VPS37A: variants seen among roughly 807,000 people sequenced by gnomAD.
The protein encoded by VPS37A is vacuolar protein sorting-associated protein 37A.
Under a neutral mutation model 49.8 loss-of-function variants are expected in VPS37A, and 30 were observed. The ratio of observed to expected loss-of-function variants is 0.60; its 90% CI spans 0.45 to 0.82. The LOEUF is 0.82. Among genes scored for constraint, VPS37A ranks in the 40% least tolerant of loss-of-function variants. The probability of loss-of-function intolerance (pLI) is 0.00; values close to 1 mark genes in which losing one functional copy is unlikely to be tolerated. For synonymous variants in VPS37A, 195 were observed against 160.6 expected (o/e 1.21, Z -1.62); for missense variants, 593 against 464.4 (o/e 1.28, Z -2.55).
At chr8:17,317,562 G>A in the VPS37A span, among the ~76,000 whole-genome samples, 1 of 152,274 alleles carries the variant, frequency 6.6e-6, no homozygotes, top group South Asian at 2.1e-4. Context: ...TTTCCAGAAA[G>A]GTTGACTTTC....
At chr8:17,323,016 C>T in the VPS37A span, among the ~76,000 whole-genome samples, 19,091 of 141,502 alleles carry the variant, frequency 0.13, 1,412 homozygotes, top group African/African-American at 0.22. Context: ...GGTGTGATCT[C>T]GGCTCACTGT....
At chr8:17,287,677 C>CAA (rs529717738) in intron 11 of VPS37A, among the ~76,000 whole-genome samples, 4 of 137,244 alleles carry the variant, frequency 2.9e-5, no homozygotes, top group Admixed American at 7.4e-5. Flanking sequence ...GACTCTGTCT[C>CAA]AAAAAAAAAA....
chr8:17,257,349 G>T (rs1812561588), intron 1 of VPS37A, among the ~76,000 whole-genome samples: 1 of 152,152 alleles, frequency 6.6e-6, no homozygotes, highest in Non-Finnish European at 1.5e-5. Context: ...TGGATAGATA[G>T]TGTGATGCCT....
intron 6 of VPS37A, among the ~76,000 whole-genome samples, chr8:17,278,358 TTACTC>T (rs1254007735): frequency 6.6e-6 from 1 of 152,112 alleles, no homozygotes; most frequent in East Asian, 1.9e-4. Context: ...TTAACCAGAA[TTACTC>T]TATGAAGAAC....
the VPS37A span, among the ~76,000 whole-genome samples, chr8:17,330,029 C>G: frequency 1.3e-5 from 2 of 152,312 alleles, no homozygotes; most frequent in East Asian, 3.9e-4. Context: ...TCCTGTCATT[C>G]TGCAGCAGGT....
chr8:17,294,405 C>T (rs549128878), intron 11 of VPS37A, among the ~76,000 whole-genome samples: 1 of 152,170 alleles, frequency 6.6e-6, no homozygotes, highest in African/African-American at 2.4e-5. Context: ...GGGGTGGGAT[C>T]CGCTGAGCAA....
chr8:17,280,374 G>C lies in VPS37A; in HGVS notation c.901-1G>C. 6.2e-7 allele frequency: 1 copy of C among 1,604,702 alleles called. No homozygotes were observed. Among genetic ancestry groups the C allele is most frequent in the Non-Finnish European group, 8.5e-7 (1 of 1,177,316 alleles). Reference sequence around the variant, plus strand: ...AACAACCTTTTCATTTTCTCTTTTAGTATGAATTACTTACACAGATGAAGT... The same window carrying C: ...AACAACCTTTTCATTTTCTCTTTTACTATGAATTACTTACACAGATGAAGT... On this transcript the variant is annotated splice_acceptor_variant, in intron 8 of 11. Transcript: ENST00000324849. LOFTEE classifies it high-confidence loss of function.
intron 11 of VPS37A, 157 bp downstream of exon 11, chr8:17,286,584 C>T: frequency 1.7e-6 from 1 of 575,660 alleles, no homozygotes; most frequent in South Asian, 2.7e-5. Context: ...ATATAATAAG[C>T]ATAATATAAA....
At chr8:17,269,104 T>C in intron 4 of VPS37A, 148 bp downstream of exon 4, 1 of 592,480 alleles carries the variant, frequency 1.7e-6, no homozygotes, top group Non-Finnish European at 2.9e-6. Flanking sequence ...GGCAACTGTT[T>C]TACTCTTTTA....
At chr8:17,329,165 C>G in the VPS37A span, among the ~76,000 whole-genome samples, 1,886 of 152,150 alleles carry the variant, frequency 0.012, 41 homozygotes, top group East Asian at 0.075. Context: ...ACCAAGTGAC[C>G]AGTAGTATGA....
At chr8:17,331,300 A>G in the VPS37A span, 1 of 1,571,924 alleles carries the variant, frequency 6.4e-7, no homozygotes, top group African/African-American at 1.4e-5. Context: ...GGTCAGCAAA[A>G]CAGAACAGTC....
intron 11 of VPS37A, among the ~76,000 whole-genome samples, chr8:17,294,725 C>T (rs565020948): frequency 1.7e-4 from 26 of 152,268 alleles, no homozygotes; most frequent in Admixed American, 9.8e-4. Flanking sequence ...AGGCAACACC[C>T]CACCCTGCTT....
At chr8:17,255,254 G>A (rs1463210978) in intron 1 of VPS37A, among the ~76,000 whole-genome samples, 1 of 152,194 alleles carries the variant, frequency 6.6e-6, no homozygotes, top group Non-Finnish European at 1.5e-5. Context: ...GCTGAAGCGG[G>A]TGGATCGCCT....
At chr8:17,279,471 G>A (rs991236953) in intron 6 of VPS37A, among the ~76,000 whole-genome samples, 2 of 152,092 alleles carry the variant, frequency 1.3e-5, no homozygotes, top group South Asian at 2.1e-4. Flanking sequence ...TATAGTACTA[G>A]TGTGTTCAAC....
chr8:17,260,015 A>T (rs1268295650), intron 1 of VPS37A, among the ~76,000 whole-genome samples: 1 of 152,044 alleles, frequency 6.6e-6, no homozygotes, highest in Non-Finnish European at 1.5e-5. Flanking sequence ...TTGTTGCTTT[A>T]TCCATTCAGC....
At chr8:17,265,460 G>C (rs560531174) in intron 1 of VPS37A, among the ~76,000 whole-genome samples, 2 of 152,322 alleles carry the variant, frequency 1.3e-5, no homozygotes, top group South Asian at 4.1e-4. Context: ...TCTGTCATAA[G>C]ATTGTAGGAT....
At chr8:17,248,740 C>T (rs560147664) in intron 1 of VPS37A, among the ~76,000 whole-genome samples, 1 of 152,296 alleles carries the variant, frequency 6.6e-6, no homozygotes, top group East Asian at 1.9e-4. Flanking sequence ...CTGATGCTGA[C>T]TGAACTTTAG....
chr8:17,285,061 T>A (rs1815461121), intron 10 of VPS37A, among the ~76,000 whole-genome samples: 1 of 152,066 alleles, frequency 6.6e-6, no homozygotes, highest in Admixed American at 6.5e-5. Flanking sequence ...AAAAAAAATT[T>A]TTTTTTTGAC....
intron 4 of VPS37A, 134 bp from the exon 5 acceptor site, chr8:17,274,599 T>C (rs2150390725): frequency 1.7e-6 from 1 of 582,990 alleles, no homozygotes; most frequent in South Asian, 3.3e-5. Context: ...TTATATAATT[T>C]AATAAATATC....
Sources: allele counts gnomAD v4.1 joint callset (sites outside exome capture counted in the v4.1 genomes callset), GRCh38; gene constraint gnomAD v4.1.1; transcripts MANE v1.5; gene names NCBI Gene and HGNC (gene_info 2026-07-23, HGNC 2026-07-21).